ATRNL1: variants seen among roughly 807,000 people sequenced by gnomAD.
ATRNL1 encodes the protein attractin like 1.
A neutral mutation model predicts 182.7 loss-of-function variants in ATRNL1; 95 were observed. That is an observed-to-expected ratio of 0.52 (90% CI 0.44 to 0.62). The LOEUF (loss-of-function observed/expected upper bound fraction) is 0.62. Ranked by LOEUF, ATRNL1 falls within the 20% of genes least tolerant of loss-of-function variation. ATRNL1 has a pLI of 0.00. For missense variants in ATRNL1, 1,471 were observed against 1,679.5 expected, an observed-to-expected ratio of 0.88 and a Z score of 2.17; for synonymous variants, 576 against 568.3, an observed-to-expected ratio of 1.01 and a Z score of -0.19.
rs541784751 is a variant in ATRNL1, at chr10:115,948,762, G to A, written c.*3983G>A. The A allele has an allele frequency of 7.2e-5, 11 of 152,290 alleles. No homozygotes were observed. The highest frequency in any genetic ancestry group is 2.4e-4 in the African/African-American group (10 of 41,554). 9.4% of individuals were successfully genotyped at this position (152,290 alleles called of 1,614,324 possible). On this transcript the variant is annotated 3_prime_UTR_variant, in exon 29 of 29. Coordinates refer to ENST00000355044, the MANE Select transcript of ATRNL1 (RefSeq NM_207303.4). Reference sequence around the variant, plus strand: ...AGCCATCTGGTTGGTGTTAGTTATAGCAGTGATTTCATTAGAGTGTACATT... The same window carrying A: ...AGCCATCTGGTTGGTGTTAGTTATAACAGTGATTTCATTAGAGTGTACATT...
rs782551992 is a variant in ATRNL1, at chr10:115,268,425, C to G, written c.2081C>G (p.Ala694Gly). ...QWCDDKKCISANSNCSMSVKN... is the reference protein window; with the variant it reads ...QWCDDKKCISGNSNCSMSVKN... ...TGTGATGACAAGAAATGCATTTCGG[C>G]AAATAGTAACTGCAGTATGGTTAGT... The change falls in exon 13 of 29, where the codon GCA becomes GGA. Residue 694 changes from alanine to glycine, a missense_variant. Transcript: ENST00000355044. 1.2e-6 allele frequency: 2 copies of G among 1,609,024 alleles called. No individual in the cohort carries two copies. The highest frequency in any genetic ancestry group is 2.7e-5 in the African/African-American group (2 of 74,762).
At chr10:115,769,364 C>A (rs1028180358) in intron 27 of ATRNL1, among the ~76,000 whole-genome samples, 9 of 152,208 alleles carry the variant, frequency 5.9e-5, no homozygotes, top group African/African-American at 1.9e-4. Context: ...TATACAGATA[C>A]CAACAACACT....
chr10:115,889,638 A>G (rs1952032894), intron 28 of ATRNL1, among the ~76,000 whole-genome samples: 1 of 152,216 alleles, frequency 6.6e-6, no homozygotes, highest in Non-Finnish European at 1.5e-5. Context: ...TCTGCAGTAC[A>G]GGCATTCTTA....
At chr10:115,822,131 A>G (rs1457782753) in intron 27 of ATRNL1, among the ~76,000 whole-genome samples, 1 of 152,236 alleles carries the variant, frequency 6.6e-6, no homozygotes, top group Non-Finnish European at 1.5e-5. Flanking sequence ...AAACTCACTC[A>G]AAACCGCACA....
rs1379982609 is a variant in ATRNL1 at position 115,946,445 on chromosome 10, A to G, written c.*1666A>G. Reference sequence around the variant, plus strand: ...ATCTTATATAAGATTTCTAGGTTGCATCTAACCATGACTATGTCATTATTT... The same window carrying G: ...ATCTTATATAAGATTTCTAGGTTGCGTCTAACCATGACTATGTCATTATTT... On this transcript the variant is annotated 3_prime_UTR_variant, in exon 29 of 29. Transcript: ENST00000355044. 1 of 152,242 alleles carries G rather than the reference A, an allele frequency of 6.6e-6. No individual in the cohort carries two copies. The highest frequency in any genetic ancestry group is 2.4e-5 in the African/African-American group (1 of 41,478). 9.4% of individuals were successfully genotyped at this position (152,242 alleles called of 1,614,324 possible). A position where few individuals can be genotyped will look rare whatever the true frequency, so the allele number is the denominator to read the frequency against.
chr10:115,725,225 G>C (rs1489183332), intron 26 of ATRNL1, among the ~76,000 whole-genome samples: 2 of 152,098 alleles, frequency 1.3e-5, no homozygotes, highest in African/African-American at 4.8e-5. Context: ...AAACAAACTA[G>C]AATTTTTAAA....
chr10:115,831,355 T>A (rs1176400846), intron 27 of ATRNL1, among the ~76,000 whole-genome samples: 1 of 152,174 alleles, frequency 6.6e-6, no homozygotes, highest in African/African-American at 2.4e-5. Context: ...TGTACAGAAC[T>A]ATTTGAGGAG....
chr10:115,227,194 C>T (rs1044709150), intron 9 of ATRNL1, among the ~76,000 whole-genome samples: 3 of 151,934 alleles, frequency 2.0e-5, no homozygotes, highest in African/African-American at 4.8e-5. Context: ...GCCTAATATC[C>T]GGAATCTGTA....
chr10:115,119,648 G>A (rs1163664539), intron 1 of ATRNL1, among the ~76,000 whole-genome samples: 7 of 151,574 alleles, frequency 4.6e-5, no homozygotes, highest in African/African-American at 1.7e-4. Context: ...TTGAGTTCTT[G>A]GACTAGATGT....
At chr10:115,482,195 T>A (rs1848801999) in intron 24 of ATRNL1, among the ~76,000 whole-genome samples, 1 of 151,102 alleles carries the variant, frequency 6.6e-6, no homozygotes, top group Non-Finnish European at 1.5e-5. Flanking sequence ...GTTACTAGAA[T>A]CACTAAATAA....
chr10:115,303,927 T>C lies in ATRNL1; in HGVS notation c.2818+1884T>C, dbSNP rs1014972952. Among the ~76,000 whole-genome samples the C allele has an allele frequency of 2.6e-5, 4 of 152,276 alleles. No homozygotes were observed. In the Middle Eastern group the frequency reaches 0.01, roughly 388 times the overall value. Reference sequence around the variant, plus strand: ...GAGATAGGGAAAGCAACAGTTTCCCTCTCTATACAGGAATTCTCTCCAGGG... The same window carrying C: ...GAGATAGGGAAAGCAACAGTTTCCCCCTCTATACAGGAATTCTCTCCAGGG... On this transcript the variant is annotated intron_variant, in intron 17 of 28. Coordinates refer to ENST00000355044, the MANE Select transcript of ATRNL1 (RefSeq NM_207303.4).
chr10:115,352,743 C>CA (rs1273661803), intron 19 of ATRNL1, among the ~76,000 whole-genome samples: 2 of 151,868 alleles, frequency 1.3e-5, no homozygotes, highest in Non-Finnish European at 2.9e-5. Flanking sequence ...ACTAAAAATA[C>CA]AAAAAAATTA....
intron 26 of ATRNL1, among the ~76,000 whole-genome samples, chr10:115,631,972 T>C (rs1294288009): frequency 6.6e-5 from 10 of 152,150 alleles, no homozygotes; most frequent in African/African-American, 2.4e-4. Flanking sequence ...TATCAATATA[T>C]AGTTGTACTC....
In ATRNL1 at chr10:115,519,313, C is replaced by T. The variant is rs781908516; in HGVS notation, c.3705C>T (p.Val1235=). ...NTIMDLVQFF[V]TFFSCFLSLL... is the part of the protein sequence containing the mutation. ...TCATGGACCTTGTGCAGTTTTTTGT[C>T]ACCTTCTTCAGGTAAAAGTTTGCTT... Residue 1235 remains valine, a synonymous_variant, in exon 25 of 29, where the codon GTC becomes GTT. Transcript: ENST00000355044. 6.2e-7 allele frequency: 1 copy of T among 1,610,622 alleles called. No individual in the cohort carries two copies. The highest frequency in any genetic ancestry group is 2.2e-5 in the East Asian group (1 of 44,704).
At chr10:115,306,890 A>G (rs1853762285) in intron 17 of ATRNL1, among the ~76,000 whole-genome samples, 1 of 152,224 alleles carries the variant, frequency 6.6e-6, no homozygotes, top group African/African-American at 2.4e-5. Flanking sequence ...GAGAAGGTTA[A>G]TGAAACATAA....
Position 115,116,636 on chromosome 10 carries a change from A to G in ATRNL1, c.294-3549A>G, listed in dbSNP as rs78267810. Among the ~76,000 whole-genome samples the G allele has an allele frequency of 7.0e-3, 1,061 of 152,136 alleles. 10 individuals carry two copies. Among genetic ancestry groups the G allele is most frequent in the African/African-American group, 0.025 (1,021 of 41,550 alleles). On this transcript the variant is annotated intron_variant, in intron 1 of 28. Transcript: ENST00000355044. The stretch of plus-strand genomic sequence containing the variant: ...GAGATCATGAAACTGAAGAAGGAGA[A>G]TTGTTCTTTCTTTATTATAGAAGTA...
chr10:115,792,036 A>G (rs1565382640), intron 27 of ATRNL1, among the ~76,000 whole-genome samples: 2 of 152,124 alleles, frequency 1.3e-5, no homozygotes, highest in African/African-American at 2.4e-5. Context: ...TATCCCATGT[A>G]CAATTTCCAT....
chr10:115,541,909 T>A (rs1416944516), intron 25 of ATRNL1, among the ~76,000 whole-genome samples: 1 of 152,196 alleles, frequency 6.6e-6, no homozygotes, highest in Non-Finnish European at 1.5e-5. Context: ...TTGAGCTATA[T>A]ACTTAGGGTT....
intron 27 of ATRNL1, among the ~76,000 whole-genome samples, chr10:115,781,566 A>T (rs1419207400): frequency 6.6e-6 from 1 of 152,232 alleles, no homozygotes; most frequent in South Asian, 2.1e-4. Context: ...GAAGCCAGAC[A>T]CTAAAAGAGT....
Sources: gnomAD v4.1 joint callset for allele counts (sites outside exome capture counted in the v4.1 genomes callset) on GRCh38, gnomAD v4.1.1 for gene constraint, MANE v1.5 for transcripts, NCBI Gene and HGNC (gene_info 2026-07-23, HGNC 2026-07-21) for gene names.